Variants in NRF1 observed in about 807,000 individuals in gnomAD.
The protein encoded by NRF1 is alpha palindromic-binding protein.
Under a neutral mutation model 58.5 loss-of-function variants are expected in NRF1, and 5 were observed. The observed-to-expected ratio is 0.09, with a 90% CI of 0.04 to 0.18. NRF1 has a LOEUF of 0.18. Ranked by LOEUF, NRF1 falls within the 10% of genes least tolerant of loss-of-function variation. The pLI is 1.00. For synonymous variants in NRF1, 224 were observed against 246.7 expected, an observed-to-expected ratio of 0.91 and a Z score of 0.86; for missense variants, 288 against 657.7, an observed-to-expected ratio of 0.44 and a Z score of 6.15.
intron 1 of NRF1, among the ~76,000 whole-genome samples, chr7:129,651,656 T>A (rs2151072871): frequency 6.6e-6 from 1 of 152,296 alleles, no homozygotes; most frequent in African/African-American, 2.4e-5. Context: ...AAAATAATTC[T>A]GAAGTACCCA....
intron 4 of NRF1, among the ~76,000 whole-genome samples, chr7:129,687,435 C>T (rs1380659854): frequency 6.6e-6 from 1 of 152,092 alleles, no homozygotes; most frequent in Non-Finnish European, 1.5e-5. Context: ...ACCACCACGC[C>T]CAGCTAATTT....
chr7:129,749,264 C>T (rs1011326064), intron 10 of NRF1, among the ~76,000 whole-genome samples: 1 of 152,002 alleles, frequency 6.6e-6, no homozygotes, highest in South Asian at 2.1e-4. Flanking sequence ...AATTTGGGTT[C>T]TGTATTTGAA....
At chr7:129,651,113 G>T (rs1056757644) in intron 1 of NRF1, among the ~76,000 whole-genome samples, 7 of 152,014 alleles carry the variant, frequency 4.6e-5, no homozygotes, top group Admixed American at 2.0e-4. Flanking sequence ...CTTTTCACAG[G>T]GTGTGCTGAA....
intron 1 of NRF1, among the ~76,000 whole-genome samples, chr7:129,633,138 A>G (rs1435671131): frequency 1.3e-5 from 2 of 152,350 alleles, no homozygotes; most frequent in South Asian, 4.1e-4. Flanking sequence ...ATTTCTTAAT[A>G]TGCAAACACC....
intron 9 of NRF1, 113 bp downstream of exon 9, chr7:129,717,489 C>T: frequency 8.6e-7 from 1 of 1,161,062 alleles, no homozygotes; most frequent in Admixed American, 2.9e-5. Context: ...GCAGTTGGAA[C>T]TTAACACTCT....
chr7:129,616,582 G>C lies in NRF1; in HGVS notation c.-7+4758G>C, dbSNP rs559848204. On this transcript the variant is annotated intron_variant, in intron 1 of 10. Coordinates refer to ENST00000393232, the MANE Select transcript of NRF1 (RefSeq NM_005011.5). The stretch of plus-strand genomic sequence containing the variant: ...CCATTGTGTTCCTGCCTGGGCGACA[G>C]TGCGACCGTGTTTCTTAAAAAAAAC... Among the ~76,000 whole-genome samples the C allele has an allele frequency of 2.0e-5, 3 of 152,280 alleles. No homozygotes were observed. In the East Asian group the frequency reaches 5.8e-4, roughly 29 times the overall value.
At chr7:129,627,706 C>G (rs1164427575) in intron 1 of NRF1, among the ~76,000 whole-genome samples, 1 of 152,104 alleles carries the variant, frequency 6.6e-6, no homozygotes, top group African/African-American at 2.4e-5. Context: ...TATAGGCTGA[C>G]TCAGTTTCTA....
intron 1 of NRF1, among the ~76,000 whole-genome samples, chr7:129,646,018 T>G (rs1290052630): frequency 6.6e-6 from 1 of 152,036 alleles, no homozygotes; most frequent in Non-Finnish European, 1.5e-5. Flanking sequence ...CCCGGCTGAT[T>G]TTTGTATTTT....
At chr7:129,751,958 G>A (rs374732980) in intron 10 of NRF1, among the ~76,000 whole-genome samples, 7 of 152,214 alleles carry the variant, frequency 4.6e-5, no homozygotes, top group Non-Finnish European at 1.0e-4. Flanking sequence ...CTTGAGTCTA[G>A]AGGCTGGGGA....
intron 1 of NRF1, among the ~76,000 whole-genome samples, chr7:129,643,813 G>T (rs1247327947): frequency 6.6e-6 from 1 of 152,196 alleles, no homozygotes; most frequent in Non-Finnish European, 1.5e-5. Flanking sequence ...ATTTTGACAG[G>T]TGGGTCAGCA....
At chr7:129,752,945 G>A (rs565882242) in intron 10 of NRF1, among the ~76,000 whole-genome samples, 5 of 152,240 alleles carry the variant, frequency 3.3e-5, no homozygotes, top group African/African-American at 1.2e-4. Context: ...GACTGGCCAC[G>A]TCTTCCATTT....
chr7:129,674,880 G>A (rs574678519), intron 3 of NRF1, among the ~76,000 whole-genome samples: 14 of 152,188 alleles, frequency 9.2e-5, no homozygotes, highest in African/African-American at 2.2e-4. Context: ...GGGTGGCTGC[G>A]GCAATTTCTT....
At chr7:129,753,647 T>A (rs1036912605) in intron 10 of NRF1, among the ~76,000 whole-genome samples, 3 of 152,166 alleles carry the variant, frequency 2.0e-5, no homozygotes, top group African/African-American at 7.2e-5. Context: ...AGGACTACCT[T>A]TATGGAGGTT....
At chr7:129,734,169 A>G (rs115262530) in intron 10 of NRF1, among the ~76,000 whole-genome samples, 10 of 152,370 alleles carry the variant, frequency 6.6e-5, no homozygotes, top group African/African-American at 2.4e-4. Context: ...AACAAAATTT[A>G]CATAATCTTA....
intron 4 of NRF1, among the ~76,000 whole-genome samples, chr7:129,687,832 G>T (rs1311649606): frequency 6.6e-6 from 1 of 152,198 alleles, no homozygotes; most frequent in African/African-American, 2.4e-5. Flanking sequence ...AGATCAGATA[G>T]AATTAAAACA....
intron 5 of NRF1, among the ~76,000 whole-genome samples, chr7:129,701,482 C>T (rs1005361679): frequency 5.3e-5 from 8 of 151,810 alleles, no homozygotes; most frequent in African/African-American, 1.9e-4. Flanking sequence ...TGCCTGTAGT[C>T]CCAACTACAG....
At chr7:129,616,704 T>G (rs552796036) in intron 1 of NRF1, among the ~76,000 whole-genome samples, 4 of 152,326 alleles carry the variant, frequency 2.6e-5, no homozygotes, top group Non-Finnish European at 2.9e-5. Context: ...AATCTGACAG[T>G]AAGGAATGGT....
intron 10 of NRF1, among the ~76,000 whole-genome samples, chr7:129,733,890 G>C (rs1041306633): frequency 3.3e-5 from 5 of 152,030 alleles, no homozygotes; most frequent in African/African-American, 7.2e-5. Context: ...CCAGCACTGG[G>C]CTCATGCCTA....
At chr7:129,690,056 A>G (rs1802528794) in intron 4 of NRF1, among the ~76,000 whole-genome samples, 3 of 152,220 alleles carry the variant, frequency 2.0e-5, no homozygotes, top group Admixed American at 2.0e-4. Context: ...TGTTCAAGCA[A>G]TGGCCTGGGA....
Sources: allele counts gnomAD v4.1 joint callset (sites outside exome capture counted in the v4.1 genomes callset), GRCh38; gene constraint gnomAD v4.1.1; transcripts MANE v1.5; gene names NCBI Gene and HGNC (gene_info 2026-07-23, HGNC 2026-07-21).